Variants in GARIN2 observed in about 807,000 individuals in gnomAD.
GARIN2 encodes golgi associated RAB2 interactor family member 2.
the GARIN2 span, among the ~76,000 whole-genome samples, chr14:67,212,490 C>T: frequency 6.6e-6 from 1 of 150,442 alleles, no homozygotes; most frequent in Non-Finnish European, 1.5e-5. Flanking sequence ...ATTAGGGAGG[C>T]TGAAGTGGAA....
At chr14:67,199,976 T>A in the GARIN2 span, 1 of 1,149,008 alleles carries the variant, frequency 8.7e-7, no homozygotes, top group Non-Finnish European at 1.2e-6. Flanking sequence ...CATCCAGGGA[T>A]GTCTCAGATG....
the GARIN2 span, among the ~76,000 whole-genome samples, chr14:67,212,632 T>TTA: frequency 6.9e-6 from 1 of 145,188 alleles, no homozygotes; most frequent in African/African-American, 2.5e-5. Context: ...ATATTATATA[T>TTA]AATATATATT....
At chr14:67,222,495 C>T in the GARIN2 span, among the ~76,000 whole-genome samples, 163 of 152,210 alleles carry the variant, frequency 1.1e-3, no homozygotes, top group African/African-American at 3.7e-3. Context: ...AGGATGGTCT[C>T]GAACTCCTGA....
chr14:67,196,373 T>C, the GARIN2 span, among the ~76,000 whole-genome samples: 97 of 152,148 alleles, frequency 6.4e-4, no homozygotes, highest in African/African-American at 2.2e-3. Flanking sequence ...CCTGTCACCA[T>C]GCCAGGCTAA....
chr14:67,212,358 T>C, the GARIN2 span, among the ~76,000 whole-genome samples: 1 of 151,930 alleles, frequency 6.6e-6, no homozygotes, highest in African/African-American at 2.4e-5. Context: ...TGTAATCCCA[T>C]GGGCAGATCG....
the GARIN2 span, among the ~76,000 whole-genome samples, chr14:67,221,496 A>G: frequency 6.6e-6 from 1 of 152,258 alleles, no homozygotes; most frequent in African/African-American, 2.4e-5. Context: ...CAGCAGCCCT[A>G]TGGAGTGACT....
chr14:67,205,017 T>C, the GARIN2 span: 1 of 1,555,274 alleles, frequency 6.4e-7, no homozygotes, highest in Middle Eastern at 1.7e-4. Flanking sequence ...ACAGCTCTGA[T>C]ATTACAAACT....
chr14:67,219,939 T>C, the GARIN2 span, among the ~76,000 whole-genome samples: 1 of 152,226 alleles, frequency 6.6e-6, no homozygotes, highest in African/African-American at 2.4e-5. Context: ...AATTACTAGC[T>C]AGAGTCTAAT....
At chr14:67,208,120 C>T in the GARIN2 span, 2 of 1,552,570 alleles carry the variant, frequency 1.3e-6, no homozygotes, top group Non-Finnish European at 1.7e-6. Context: ...GAAATGGTGC[C>T]TGTATTCGAT....
the GARIN2 span, chr14:67,198,393 G>A: frequency 7.1e-7 from 1 of 1,400,028 alleles, no homozygotes; most frequent in South Asian, 1.3e-5. Flanking sequence ...TGAAAAGGAT[G>A]GTAGGAGAAT....
chr14:67,193,538 A>C, the GARIN2 span, among the ~76,000 whole-genome samples: 1 of 143,836 alleles, frequency 7.0e-6, no homozygotes, highest in Non-Finnish European at 1.5e-5. Context: ...GATCTATAGA[A>C]ATATATATCT....
chr14:67,196,211 TTTTC>T, the GARIN2 span, among the ~76,000 whole-genome samples: 6 of 150,102 alleles, frequency 4.0e-5, no homozygotes, highest in Admixed American at 6.7e-5. Context: ...CTTTCTTTTC[TTTTC>T]TTTCTTTCTT....
At chr14:67,223,868 C>G in the GARIN2 span, 2 of 985,700 alleles carry the variant, frequency 2.0e-6, no homozygotes, top group Non-Finnish European at 2.4e-6. Context: ...CACCCTGTAC[C>G]CCAAGAAAAG....
At chr14:67,227,634 T>C in the GARIN2 span, 1 of 152,144 alleles carries the variant, frequency 6.6e-6, no homozygotes, top group Non-Finnish European at 1.5e-5. Context: ...TTATTTGGAC[T>C]CTTATTTACT....
chr14:67,204,837 T>C, the GARIN2 span: 5 of 1,613,904 alleles, frequency 3.1e-6, no homozygotes, highest in Admixed American at 1.7e-5. Flanking sequence ...CGTACATGTA[T>C]GCAGGTACAG....
At chr14:67,224,910 T>C in the GARIN2 span, 1 of 437,280 alleles carries the variant, frequency 2.3e-6, no homozygotes, top group Non-Finnish European at 4.0e-6. Flanking sequence ...GGGAACCTGC[T>C]TGTGAAATTC....
the GARIN2 span, among the ~76,000 whole-genome samples, chr14:67,193,954 C>CAAAAAAAAACA: frequency 1.2e-5 from 1 of 85,760 alleles, no homozygotes; most frequent in Non-Finnish European, 2.5e-5. Context: ...CAAAAAAAAA[C>CAAAAAAAAACA]AAAAAAAAAA....
chr14:67,210,960 A>ACT, the GARIN2 span, among the ~76,000 whole-genome samples: 1 of 152,130 alleles, frequency 6.6e-6, no homozygotes, highest in Non-Finnish European at 1.5e-5. Flanking sequence ...AGATTGCACC[A>ACT]CTGCACTCCA....
chr14:67,200,534 A>G, the GARIN2 span: 1 of 260,202 alleles, frequency 3.8e-6, no homozygotes, highest in East Asian at 1.0e-4. Flanking sequence ...AGAGAAAATA[A>G]AACTAAACTC....
Sources: gnomAD v4.1 joint callset for allele counts (sites outside exome capture counted in the v4.1 genomes callset) on GRCh38, gnomAD v4.1.1 for gene constraint, MANE v1.5 for transcripts, NCBI Gene and HGNC (gene_info 2026-07-23, HGNC 2026-07-21) for gene names.